USP54: variants seen among roughly 807,000 people sequenced by gnomAD.
The protein encoded by USP54 is ubiquitin carboxyl-terminal hydrolase 54.
Under a neutral mutation model 170.5 loss-of-function variants are expected in USP54, and 87 were observed. The ratio of observed to expected loss-of-function variants is 0.51; its 90% confidence interval spans 0.43 to 0.61. The LOEUF (loss-of-function observed/expected upper bound fraction) is 0.61. Ranked by LOEUF, USP54 falls within the 20% of genes least tolerant of loss-of-function variation. The probability of loss-of-function intolerance (pLI) is 0.00; values close to 1 mark genes in which losing one functional copy is unlikely to be tolerated. For synonymous variants in USP54, 655 were observed against 742.8 expected (o/e 0.88, Z 1.92); for missense variants, 1,786 against 2,047.8 (o/e 0.87, Z 2.47).
intron 5 of USP54, among the ~76,000 whole-genome samples, chr10:73,543,582 G>A (rs1016465451): frequency 8.6e-5 from 13 of 152,026 alleles, no homozygotes; most frequent in African/African-American, 2.7e-4. Context: ...TAGCCAGGAT[G>A]GTCTCGATCT....
In USP54 at chr10:73,534,684, CCA is replaced by C; in HGVS notation, c.1229_1230del (p.Val410GlyfsTer7). ...TGAGAATCAGAAGAGAAGTGACTGA[CCA>C]CAGACTCATGGTGGGAATGTTTGTA... is the stretch of plus-strand genomic sequence containing the variant. ...YPYKHSHHES[V>X]VSHFSSDSQG... On this transcript the variant is annotated frameshift_variant, in exon 12 of 24. Coordinates refer to ENST00000687698, the MANE Select transcript of USP54 (RefSeq NM_001391956.1). LOFTEE classifies it high-confidence loss of function. 1 of 1,614,112 alleles carries C rather than the reference CCA, an allele frequency of 6.2e-7. No homozygotes were observed. The highest frequency in any genetic ancestry group is 8.5e-7 in the Non-Finnish European group (1 of 1,179,998).
intron 16 of USP54, among the ~76,000 whole-genome samples, chr10:73,525,688 C>G (rs1457632129): frequency 6.6e-6 from 1 of 152,228 alleles, no homozygotes; most frequent in African/African-American, 2.4e-5. Context: ...CAAATGTCTT[C>G]CACGTGTCTC....
intron 4 of USP54, among the ~76,000 whole-genome samples, chr10:73,556,337 T>C (rs2071003898): frequency 6.6e-6 from 1 of 150,626 alleles, no homozygotes; most frequent in Non-Finnish European, 1.5e-5. Flanking sequence ...GGTAATTTCT[T>C]TTTTTTTCTT....
At chr10:73,562,281 G>A (rs949650362) in intron 4 of USP54, among the ~76,000 whole-genome samples, 3 of 151,812 alleles carry the variant, frequency 2.0e-5, no homozygotes, top group African/African-American at 7.2e-5. Flanking sequence ...CACATACATA[G>A]CCAAAGAATA....
intron 4 of USP54, among the ~76,000 whole-genome samples, chr10:73,566,730 C>CA (rs564401291): frequency 6.4e-4 from 95 of 148,070 alleles, no homozygotes; most frequent in Middle Eastern, 3.4e-3. Flanking sequence ...GACTCTGTCT[C>CA]AAAAAAACAA....
At chr10:73,535,440 G>A (rs776145533) in intron 11 of USP54, among the ~76,000 whole-genome samples, 12 of 151,972 alleles carry the variant, frequency 7.9e-5, no homozygotes, top group Non-Finnish European at 1.6e-4. Context: ...AAAGAAAGAC[G>A]TCAAAGTCAA....
At chr10:73,574,633 C>T (rs111487389) in intron 3 of USP54, among the ~76,000 whole-genome samples, 16 of 151,854 alleles carry the variant, frequency 1.1e-4, no homozygotes, top group African/African-American at 1.9e-4. Flanking sequence ...AAAAATTAGC[C>T]GGGTGTGGTG....
intron 12 of USP54, among the ~76,000 whole-genome samples, 190 bp downstream of exon 12, chr10:73,534,410 C>T (rs185925487): frequency 2.4e-4 from 36 of 152,142 alleles, no homozygotes; most frequent in African/African-American, 8.0e-4. Flanking sequence ...CGGAGTTTCA[C>T]CGTGTGTTAG....
chr10:73,538,432 A>AGCT (rs924089501), intron 10 of USP54: 1 of 152,034 alleles, frequency 6.6e-6, no homozygotes, highest in African/African-American at 2.4e-5. Flanking sequence ...CTGACCCATG[A>AGCT]GCTCCACCAA....
intron 20 of USP54, chr10:73,505,910 T>G (rs1045311539): frequency 2.0e-5 from 3 of 152,430 alleles, no homozygotes; most frequent in Admixed American, 6.5e-5. Context: ...ATAGATAGTT[T>G]ACTGAGTGTC....
In USP54 at chr10:73,504,940, G is replaced by A. The variant is rs535544333; in HGVS notation, c.4221C>T (p.Tyr1407=). 54 of 1,614,120 alleles carry A rather than the reference G, an allele frequency of 3.3e-5. No individual in the cohort carries two copies. The South Asian group carries it at 5.6e-4, about 17-fold the overall frequency. ...AGATGCGACGTAAATTCTCTGCACT[G>A]TACTGCTCATCCTCCCCACACTCCC... is the stretch of plus-strand genomic sequence containing the variant. The part of the protein sequence containing the change: ...LSRECGEDEQ[Y]SAENLRRISR... The change falls in exon 22 of 24, where the codon TAC becomes TAT. Residue 1407 remains tyrosine (Y), a synonymous_variant. Transcript: ENST00000687698.
At chr10:73,591,830 T>C (rs1388105951), upstream of USP54, among the ~76,000 whole-genome samples, 1 of 152,198 alleles carries the variant, frequency 6.6e-6, no homozygotes, top group Non-Finnish European at 1.5e-5. Flanking sequence ...AAAACAATGT[T>C]ATTGTTGGAA....
chr10:73,545,581 T>C lies in USP54; in HGVS notation c.332A>G (p.Gln111Arg). 2 of 1,614,194 alleles carry C rather than the reference T, an allele frequency of 1.2e-6. No homozygotes were observed. The highest frequency in any genetic ancestry group is 1.7e-6 in the Non-Finnish European group (2 of 1,180,010). ...ATCCATAATTCCCAGCTGGAAACGT[T>C]GTTCATCCTGGAAAGTCTTTGCCAG... ...SALAKTFQDE[Q>R]RFQLGIMDDA... Residue 111 changes from glutamine (Q) to arginine (R), a missense_variant, in exon 5 of 24, where the codon CAA becomes CGA. Coordinates refer to ENST00000687698, the MANE Select transcript of USP54 (RefSeq NM_001391956.1).
rs374929104 is a variant in USP54 at position 73,616,629 on chromosome 10, T to C, written c.-18+8938A>G. The stretch of plus-strand genomic sequence containing the variant: ...AACACGCCTGCACATCCTGCATGTG[T>C]ATCCAGGAACTTAAAATTAAATTAA... On this transcript the variant is annotated intron_variant, in intron 1 of 22. Coordinates refer to the USP54 transcript ENST00000339859. 4.0e-5 allele frequency among the ~76,000 whole-genome samples: 6 copies of C among 150,138 alleles called. 1 individual carries two copies. The highest frequency in any genetic ancestry group is 1.3e-4 in the African/African-American group (5 of 39,588).
intron 1 of USP54, among the ~76,000 whole-genome samples, chr10:73,580,560 CTTATTTTAT>C (rs1483425868): frequency 3.3e-5 from 5 of 150,980 alleles, no homozygotes; most frequent in Admixed American, 6.6e-5. Context: ...GTTACAATTG[CTTATTTTAT>C]TTATTTATTT....
At chr10:73,542,397 G>A (rs1268516780) in intron 7 of USP54, among the ~76,000 whole-genome samples, 1 of 151,716 alleles carries the variant, frequency 6.6e-6, no homozygotes, top group Non-Finnish European at 1.5e-5. Context: ...ACCATGCCCG[G>A]CCAAGATATA....
At chr10:73,548,913 G>A (rs1490669961) in intron 4 of USP54, among the ~76,000 whole-genome samples, 1 of 152,098 alleles carries the variant, frequency 6.6e-6, no homozygotes, top group African/African-American at 2.4e-5. Flanking sequence ...AAATATCCAA[G>A]TTTTATTTTT....
intron 4 of USP54, 50 bp from the exon 5 acceptor site, chr10:73,545,722 C>A: frequency 6.3e-7 from 1 of 1,596,230 alleles, no homozygotes. Context: ...TGTTATTAAA[C>A]TTCTATACAT....
At chr10:73,501,140 T>C (rs1410430482) in intron 22 of USP54, among the ~76,000 whole-genome samples, 1 of 152,052 alleles carries the variant, frequency 6.6e-6, no homozygotes, top group Admixed American at 6.6e-5. Context: ...ATTAGAGAGA[T>C]TGAGATAGAA....
Sources: gnomAD v4.1 joint callset for allele counts (sites outside exome capture counted in the v4.1 genomes callset) on GRCh38, gnomAD v4.1.1 for gene constraint, MANE v1.5 for transcripts, NCBI Gene and HGNC (gene_info 2026-07-23, HGNC 2026-07-21) for gene names.